MINAR1: variants seen among roughly 807,000 people sequenced by gnomAD.
MINAR1 encodes major intrinsically disordered Notch2-binding receptor 1.
A neutral mutation model predicts 65.1 loss-of-function variants in MINAR1; 40 were observed. The ratio of observed to expected loss-of-function variants is 0.61; its 90% CI spans 0.48 to 0.80. The LOEUF is 0.80. Ranked by LOEUF, MINAR1 falls within the 30% of genes least tolerant of loss-of-function variation. The pLI is 0.00. For missense variants in MINAR1, 1,128 were observed against 1,148.0 expected (o/e 0.98, Z 0.25); for synonymous variants, 482 against 449.1 (o/e 1.07, Z -0.93).
rs556076351 is a variant in MINAR1, at chr15:79,458,340, A to G, written c.2193A>G (p.Arg731=). The G allele has an allele frequency of 3.2e-5, 51 of 1,614,228 alleles. 1 individual carries two copies. In the South Asian group the frequency reaches 5.2e-4, roughly 16 times the overall value. Residue 731 remains arginine, a synonymous_variant, in exon 2 of 4, where the codon AGA becomes AGG. Coordinates refer to ENST00000305428, the MANE Select transcript of MINAR1 (RefSeq NM_015206.3). The part of the protein sequence containing the change: ...SKIASISNSP[R]DWRTITYTNR... ...TTGCCAGCATCTCCAACTCGCCCAGAGACTGGCGCACCATCACTTATACCA... is the reference window on the plus strand; with the variant it reads ...TTGCCAGCATCTCCAACTCGCCCAGGGACTGGCGCACCATCACTTATACCA...
upstream of MINAR1, among the ~76,000 whole-genome samples, chr15:79,432,112 C>T (rs1034199782): frequency 1.3e-5 from 2 of 152,080 alleles, no homozygotes; most frequent in African/African-American, 4.8e-5. Flanking sequence ...AAGCCCATGA[C>T]GTGGCGACGC....
rs887462730 is a variant in MINAR1, at chr15:79,444,119, G to C, written c.-51+11579G>C. ...CCCGGGTTCACACATGCCTTAGGCT[G>C]TGTGGCCTTTGACAAGTTACGGACC... On this transcript the variant is annotated intron_variant, in intron 1 of 3. Coordinates refer to ENST00000305428, the MANE Select transcript of MINAR1 (RefSeq NM_015206.3). Among the ~76,000 whole-genome samples, 4 of 152,208 alleles carry C rather than the reference G, an allele frequency of 2.6e-5. No homozygotes were observed. In the South Asian group the frequency reaches 8.3e-4, roughly 32 times the overall value.
intron 1 of MINAR1, among the ~76,000 whole-genome samples, chr15:79,444,142 A>T (rs1894945577): frequency 6.6e-6 from 1 of 152,170 alleles, no homozygotes; most frequent in South Asian, 2.1e-4. Context: ...CAAGTTACGG[A>T]CCTGCTCTGT....
intron 1 of MINAR1, among the ~76,000 whole-genome samples, chr15:79,434,333 T>C (rs1410730164): frequency 6.6e-6 from 1 of 152,212 alleles, no homozygotes; most frequent in Non-Finnish European, 1.5e-5. Context: ...CTTTCCACTT[T>C]CTAAAACCCA....
chr15:79,416,492 A>G, the MINAR1 span: 2 of 152,218 alleles, frequency 1.3e-5, no homozygotes, highest in Non-Finnish European at 2.9e-5. Flanking sequence ...TTACCAGGAC[A>G]GAACCACTTC....
chr15:79,446,786 T>C (rs569730442), intron 1 of MINAR1, among the ~76,000 whole-genome samples: 2 of 152,334 alleles, frequency 1.3e-5, no homozygotes, highest in Admixed American at 1.3e-4. Context: ...TCTGCCATTC[T>C]CTTTTCTCTC....
chr15:79,417,488 T>C, the MINAR1 span: 13 of 152,236 alleles, frequency 8.5e-5, no homozygotes, highest in African/African-American at 3.1e-4. Flanking sequence ...GGCTTGTTAG[T>C]GTCTGACTTT....
In MINAR1 at chr15:79,463,276, A is replaced by T; in HGVS notation, c.2508A>T (p.Ala836=). ...CTTCTTGGACCATTGAGGAGTATGC[A>T]CGGAATGCGGGCGACAAGGGCAAGC... The part of the protein sequence containing the change: ...GQPSWTIEEY[A]RNAGDKGKLT... The change falls in exon 3 of 4, where the codon GCA becomes GCT. Residue 836 remains alanine, a synonymous_variant. Transcript: ENST00000305428. 6.2e-7 allele frequency: 1 copy of T among 1,614,188 alleles called. No individual in the cohort carries two copies. The highest frequency in any genetic ancestry group is 1.1e-5 in the South Asian group (1 of 91,076).
chr15:79,432,128 G>A (rs1011323624), upstream of MINAR1, among the ~76,000 whole-genome samples: 7 of 152,148 alleles, frequency 4.6e-5, no homozygotes, highest in Non-Finnish European at 7.4e-5. Flanking sequence ...GACGCCGACC[G>A]AGACACAAAG....
At chr15:79,437,056 GC>G (rs1355791166) in intron 1 of MINAR1, among the ~76,000 whole-genome samples, 3 of 152,194 alleles carry the variant, frequency 2.0e-5, no homozygotes, top group African/African-American at 7.2e-5. Flanking sequence ...TATTCAGGAA[GC>G]TAAACATGCA....
chr15:79,445,348 A>C (rs1894984706), intron 1 of MINAR1, among the ~76,000 whole-genome samples: 1 of 152,138 alleles, frequency 6.6e-6, no homozygotes, highest in Non-Finnish European at 1.5e-5. Flanking sequence ...AATAACTAAT[A>C]AGTGCTCCAA....
rs75706102 is a variant in MINAR1 at position 79,454,262 on chromosome 15, T to A, written c.-50-1836T>A. Among the ~76,000 whole-genome samples the A allele has an allele frequency of 0.013, 1,966 of 152,248 alleles. 222 individuals are homozygous for A. In the East Asian group the frequency reaches 0.28, roughly 22 times the overall value. ...AATGCAAACCACTGGTCTCTGCATA[T>A]CCCTCCAGACATTCATGGGAGAAAC... On this transcript the variant is annotated intron_variant, in intron 1 of 3. Coordinates refer to ENST00000305428, the MANE Select transcript of MINAR1 (RefSeq NM_015206.3).
chr15:79,468,405 T>A lies in MINAR1; in HGVS notation c.*21T>A. The A allele has an allele frequency of 6.2e-7, 1 of 1,608,134 alleles. No individual in the cohort carries two copies. Among genetic ancestry groups the A allele is most frequent in the East Asian group, 2.2e-5 (1 of 44,838 alleles). ...CATGAGCTAAGAATGCAACCTTACGTACAGCTTATGACTACCAATGTCGTC... is the reference window on the plus strand; with the variant it reads ...CATGAGCTAAGAATGCAACCTTACGAACAGCTTATGACTACCAATGTCGTC... On this transcript the variant is annotated 3_prime_UTR_variant, in exon 4 of 4. Coordinates refer to ENST00000305428, the MANE Select transcript of MINAR1 (RefSeq NM_015206.3).
the MINAR1 span, chr15:79,420,319 G>A: frequency 1.3e-5 from 2 of 152,106 alleles, no homozygotes; most frequent in East Asian, 1.9e-4. Context: ...GTGTTTTATC[G>A]AGCAGTGATT....
intron 1 of MINAR1, among the ~76,000 whole-genome samples, chr15:79,444,132 C>G (rs775776181): frequency 1.3e-5 from 2 of 152,184 alleles, no homozygotes; most frequent in Non-Finnish European, 2.9e-5. Context: ...TGGCCTTTGA[C>G]AAGTTACGGA....
intron 3 of MINAR1, 59 bp downstream of exon 3, chr15:79,463,380 G>A: frequency 6.3e-7 from 1 of 1,589,130 alleles, no homozygotes. Context: ...CAAATGCCCT[G>A]GAATGGATCA....
chr15:79,454,132 C>T lies in MINAR1; in HGVS notation c.-50-1966C>T, dbSNP rs112809056. 1.4e-4 allele frequency among the ~76,000 whole-genome samples: 21 copies of T among 152,270 alleles called. No homozygotes were observed. The East Asian group carries it at 1.5e-3, about 11-fold the overall frequency. On this transcript the variant is annotated intron_variant, in intron 1 of 3. Transcript: ENST00000305428. ...TTGGACACAGAATGCTTCCATCAGACGGATTGGAAGGCTGGGGCGGGGTGG... is the reference window on the plus strand; with the variant it reads ...TTGGACACAGAATGCTTCCATCAGATGGATTGGAAGGCTGGGGCGGGGTGG...
chr15:79,437,192 T>C (rs1894625645), intron 1 of MINAR1, among the ~76,000 whole-genome samples: 1 of 152,180 alleles, frequency 6.6e-6, no homozygotes, highest in Admixed American at 6.5e-5. Flanking sequence ...TGAACAGTGG[T>C]AAGGAGGCAA....
At position 79,457,361 on chromosome 15, in the gene MINAR1, T is replaced by G. The variant is rs756339829; in HGVS notation, c.1214T>G (p.Phe405Cys). 6.2e-7 allele frequency: 1 copy of G among 1,613,970 alleles called. No individual in the cohort carries two copies. The highest frequency in any genetic ancestry group is 1.1e-5 in the South Asian group (1 of 91,064). The change falls in exon 2 of 4, where the codon TTC (phenylalanine) becomes TGC (cysteine). Residue 405 changes from phenylalanine (F) to cysteine (C), a missense_variant. Transcript: ENST00000305428. The stretch of plus-strand genomic sequence containing the variant: ...AATGCCAGTAGCCAGACCCCCAATT[T>G]CCCAGCCCCAGAAAGGCGCCCAACT... ...YPNASSQTPN[F>C]PAPERRPTYL...
Sources: allele counts gnomAD v4.1 joint callset (sites outside exome capture counted in the v4.1 genomes callset), GRCh38; gene constraint gnomAD v4.1.1; transcripts MANE v1.5; gene names NCBI Gene and HGNC (gene_info 2026-07-23, HGNC 2026-07-21).